LHFPL2: variants seen among roughly 807,000 people sequenced by gnomAD.
LHFPL2 encodes the protein LHFPL tetraspan subfamily member 2, also known as LHFPL tetraspan subfamily member 2 protein.
In LHFPL2, 7 loss-of-function variants were observed where a neutral mutation model predicts 17.5. The ratio of observed to expected loss-of-function variants is 0.40; its 90% CI spans 0.23 to 0.75. The LOEUF (loss-of-function observed/expected upper bound fraction) is 0.75, where lower values mean the gene tolerates loss of function less well. Among genes scored for constraint, LHFPL2 ranks in the 30% least tolerant of loss-of-function variants. The pLI is 0.37. For missense variants in LHFPL2, 241 were observed against 294.8 expected, an observed-to-expected ratio of 0.82 and a Z score of 1.34; for synonymous variants, 134 against 116.2, an observed-to-expected ratio of 1.15 and a Z score of -0.99.
chr5:78,579,348 T>A (rs1742992002), intron 2 of LHFPL2, among the ~76,000 whole-genome samples: 1 of 152,060 alleles, frequency 6.6e-6, no homozygotes, highest in African/African-American at 2.4e-5. Context: ...TTCATTTATT[T>A]ATTATTATTA....
In LHFPL2 at chr5:78,599,475, ATTTTTTT is replaced by A. The variant is rs34830490; in HGVS notation, c.-245+32782_-245+32788del. On this transcript the variant is annotated intron_variant, in intron 2 of 4. Transcript: ENST00000380345. The stretch of plus-strand genomic sequence containing the variant: ...CCATCATGCCCGGCTAATTTTTTGT[ATTTTTTT>A]TTTTTTTTAGTAGAGACAGGGTTTC... Among the ~76,000 whole-genome samples, 1,384 of 143,412 alleles carry A rather than the reference ATTTTTTT, an allele frequency of 9.7e-3. 11 individuals are homozygous for A. Among genetic ancestry groups the A allele is most frequent in the Middle Eastern group, 0.018 (5 of 274 alleles). 94.1% of individuals were successfully genotyped at this position (143,412 alleles called of 152,430 possible).
intron 2 of LHFPL2, among the ~76,000 whole-genome samples, chr5:78,591,933 A>G (rs1743640357): frequency 6.6e-6 from 1 of 152,236 alleles, no homozygotes; most frequent in African/African-American, 2.4e-5. Context: ...TGGCATGAAC[A>G]TGTGGTTGAC....
intron 2 of LHFPL2, among the ~76,000 whole-genome samples, chr5:78,614,131 G>C (rs1333087806): frequency 6.6e-6 from 1 of 152,204 alleles, no homozygotes; most frequent in Non-Finnish European, 1.5e-5. Context: ...TAATGAAAGG[G>C]TTTAGCTCCA....
chr5:78,489,482 T>C (rs1339813115), intron 4 of LHFPL2, among the ~76,000 whole-genome samples: 2 of 152,196 alleles, frequency 1.3e-5, no homozygotes, highest in African/African-American at 4.8e-5. Context: ...TGTAGCTCAC[T>C]GCACTTGAAC....
At chr5:78,543,638 C>A (rs945137369) in intron 3 of LHFPL2, among the ~76,000 whole-genome samples, 2 of 152,274 alleles carry the variant, frequency 1.3e-5, no homozygotes, top group East Asian at 3.9e-4. Flanking sequence ...CCAGCAAAGC[C>A]CAGGGCAGCC....
chr5:78,623,987 C>T (rs1439622164), intron 2 of LHFPL2, among the ~76,000 whole-genome samples: 1 of 152,158 alleles, frequency 6.6e-6, no homozygotes, highest in African/African-American at 2.4e-5. Context: ...CTGGTTTTCC[C>T]CAGAATAACA....
chr5:78,559,368 C>T (rs535156294), intron 3 of LHFPL2, among the ~76,000 whole-genome samples: 7 of 152,222 alleles, frequency 4.6e-5, no homozygotes, highest in South Asian at 2.1e-4. Flanking sequence ...CACTGGGCAT[C>T]GAGGATATAC....
chr5:78,587,456 T>C (rs1436704065), intron 2 of LHFPL2, among the ~76,000 whole-genome samples: 2 of 152,206 alleles, frequency 1.3e-5, no homozygotes, highest in African/African-American at 4.8e-5. Context: ...GCTTTTTGAC[T>C]CTGCATCCCA....
intron 3 of LHFPL2, among the ~76,000 whole-genome samples, chr5:78,524,564 A>G (rs1355108630): frequency 6.6e-6 from 1 of 152,108 alleles, no homozygotes; most frequent in African/African-American, 2.4e-5. Flanking sequence ...CAAAATGGTG[A>G]AACCCCACCT....
At chr5:78,593,609 C>A (rs1561356543) in intron 2 of LHFPL2, among the ~76,000 whole-genome samples, 1 of 152,132 alleles carries the variant, frequency 6.6e-6, no homozygotes, top group Non-Finnish European at 1.5e-5. Context: ...GGTGAGCGTA[C>A]TAAATCAATA....
intron 3 of LHFPL2, among the ~76,000 whole-genome samples, chr5:78,556,725 TA>T (rs1183217618): frequency 6.6e-6 from 1 of 152,088 alleles, no homozygotes; most frequent in Non-Finnish European, 1.5e-5. Context: ...CATGAGGAAA[TA>T]TTTATAATAT....
chr5:78,584,470 G>C (rs1264056695), intron 2 of LHFPL2, among the ~76,000 whole-genome samples: 2 of 152,104 alleles, frequency 1.3e-5, no homozygotes, highest in Admixed American at 6.5e-5. Flanking sequence ...TGGTGTGGAT[G>C]TCCTTTCTGT....
chr5:78,586,548 C>T (rs1743409450), intron 2 of LHFPL2, among the ~76,000 whole-genome samples: 1 of 152,198 alleles, frequency 6.6e-6, no homozygotes, highest in Non-Finnish European at 1.5e-5. Context: ...CTCAGGCACA[C>T]AAAACCTCAA....
chr5:78,627,092 C>A (rs62378400), intron 2 of LHFPL2, among the ~76,000 whole-genome samples: 2 of 122,408 alleles, frequency 1.6e-5, no homozygotes, highest in East Asian at 4.3e-4. Flanking sequence ...AAAAAAACAA[C>A]AACAACAAAA....
chr5:78,542,062 T>C (rs1756129614), intron 3 of LHFPL2, among the ~76,000 whole-genome samples: 1 of 152,186 alleles, frequency 6.6e-6, no homozygotes, highest in Non-Finnish European at 1.5e-5. Context: ...ATTACAGGAA[T>C]TTAATAGCTC....
chr5:78,551,356 T>C (rs961628230), intron 3 of LHFPL2, among the ~76,000 whole-genome samples: 14 of 152,300 alleles, frequency 9.2e-5, no homozygotes, highest in African/African-American at 3.1e-4. Context: ...TCAAATCTTA[T>C]GGGCAATTTT....
Position 78,611,538 on chromosome 5 carries a change from C to T in LHFPL2, c.-245+20726G>A, listed in dbSNP as rs563087690. On this transcript the variant is annotated intron_variant, in intron 2 of 4. Coordinates refer to ENST00000380345, the MANE Select transcript of LHFPL2 (RefSeq NM_005779.3). ...GGGGAAAAAGACTGGGAAGTCCCTC[C>T]GGAGAAGCCTGAGGGCTGAGGATCA... Among the ~76,000 whole-genome samples, 18 of 152,254 alleles carry T rather than the reference C, an allele frequency of 1.2e-4. No homozygotes were observed. In the South Asian group the frequency reaches 2.9e-3, roughly 25 times the overall value.
chr5:78,596,776 T>C (rs1449504651), intron 2 of LHFPL2, among the ~76,000 whole-genome samples: 2 of 151,982 alleles, frequency 1.3e-5, no homozygotes, highest in Admixed American at 6.6e-5. Flanking sequence ...ATTCTGATGC[T>C]GGTAGGTTGT....
chr5:78,576,833 C>A (rs568872921), intron 2 of LHFPL2, among the ~76,000 whole-genome samples: 8 of 152,302 alleles, frequency 5.3e-5, no homozygotes, highest in Non-Finnish European at 8.8e-5. Context: ...TACCAACAGT[C>A]TTCTTAACTT....
Sources: allele counts gnomAD v4.1 joint callset (sites outside exome capture counted in the v4.1 genomes callset), GRCh38; gene constraint gnomAD v4.1.1; transcripts MANE v1.5; gene names NCBI Gene and HGNC (gene_info 2026-07-23, HGNC 2026-07-21).